Variants in ZFYVE28 observed in about 807,000 individuals in gnomAD.
ZFYVE28 encodes the protein lateral signaling target protein 2 homolog.
Under a neutral mutation model 82.1 loss-of-function variants are expected in ZFYVE28, and 40 were observed. The ratio of observed to expected loss-of-function variants is 0.49; its 90% CI spans 0.38 to 0.63. The LOEUF is 0.63. Ranked by LOEUF, ZFYVE28 falls within the 30% of genes least tolerant of loss-of-function variation. The pLI is 0.00. For missense variants in ZFYVE28, 1,321 were observed against 1,242.1 expected, an observed-to-expected ratio of 1.06 and a Z score of -0.96; for synonymous variants, 612 against 546.1, an observed-to-expected ratio of 1.12 and a Z score of -1.68.
At chr4:2,376,655 G>A (rs1008210048) in intron 1 of ZFYVE28, among the ~76,000 whole-genome samples, 1 of 152,242 alleles carries the variant, frequency 6.6e-6, no homozygotes, top group Non-Finnish European at 1.5e-5. Flanking sequence ...GTCATGAGAC[G>A]AGCATGGGGG....
At chr4:2,273,368 A>T in intron 9 of ZFYVE28, 79 bp from the exon 10 acceptor site, 1 of 1,250,452 alleles carries the variant, frequency 8.0e-7, no homozygotes, top group Non-Finnish European at 1.1e-6. Context: ...CGGGCTGGGC[A>T]GACCCAGCCA....
intron 2 of ZFYVE28, among the ~76,000 whole-genome samples, chr4:2,346,764 A>G (rs1723661384): frequency 6.6e-6 from 1 of 152,166 alleles, no homozygotes; most frequent in African/African-American, 2.4e-5. Flanking sequence ...TAATGAGCCA[A>G]CAAAGGAGAC....
At chr4:2,299,527 G>A (rs1000512083) in intron 8 of ZFYVE28, among the ~76,000 whole-genome samples, 5 of 144,398 alleles carry the variant, frequency 3.5e-5, no homozygotes, top group African/African-American at 1.3e-4. Context: ...GCTAACACAG[G>A]AGGACAGCTT....
intron 1 of ZFYVE28, among the ~76,000 whole-genome samples, chr4:2,393,717 C>CGCT (rs1386390325): frequency 6.6e-6 from 1 of 152,238 alleles, no homozygotes; most frequent in Non-Finnish European, 1.5e-5. Flanking sequence ...GGCCCCTTGC[C>CGCT]GCTGCCCCTC....
At chr4:2,345,642 G>A (rs1723424568) in intron 2 of ZFYVE28, among the ~76,000 whole-genome samples, 1 of 151,404 alleles carries the variant, frequency 6.6e-6, no homozygotes, top group African/African-American at 2.4e-5. Flanking sequence ...GAGGAATAAT[G>A]GCCAAAATTT....
At chr4:2,350,413 G>A (rs1021254546) in intron 2 of ZFYVE28, among the ~76,000 whole-genome samples, 13 of 151,814 alleles carry the variant, frequency 8.6e-5, no homozygotes, top group Admixed American at 2.6e-4. Flanking sequence ...GGACTGAGCC[G>A]AGATCGCGCC....
In ZFYVE28 at chr4:2,305,909, T is replaced by G. The variant is rs186614877; in HGVS notation, c.804-373A>C. Among the ~76,000 whole-genome samples, 12 of 152,366 alleles carry G rather than the reference T, an allele frequency of 7.9e-5. No homozygotes were observed. The East Asian group carries it at 2.3e-3, about 29-fold the overall frequency. Reference sequence around the variant, plus strand: ...GGTTTACACATAAACCTTCATCCTTTCATTCCACAAATACCATTGGGCACT... The same window carrying G: ...GGTTTACACATAAACCTTCATCCTTGCATTCCACAAATACCATTGGGCACT... On this transcript the variant is annotated intron_variant, in intron 7 of 12. Transcript: ENST00000290974.
intron 1 of ZFYVE28, among the ~76,000 whole-genome samples, chr4:2,357,595 G>A (rs866181372): frequency 1.1e-4 from 16 of 152,322 alleles, no homozygotes; most frequent in South Asian, 4.1e-4. Context: ...GGGAGAAGCA[G>A]GGGCCTGGTG....
intron 8 of ZFYVE28, among the ~76,000 whole-genome samples, chr4:2,274,630 G>A (rs920696955): frequency 3.3e-5 from 5 of 152,156 alleles, no homozygotes; most frequent in Non-Finnish European, 5.9e-5. Context: ...CCCAGCCCCT[G>A]AAGCCTGTGA....
intron 6 of ZFYVE28, chr4:2,330,372 G>C (rs1341064712): frequency 1.0e-6 from 1 of 1,001,048 alleles, no homozygotes; most frequent in Non-Finnish European, 1.2e-6. Context: ...ATCGCAGAGG[G>C]AGGTACAGCA....
intron 8 of ZFYVE28, among the ~76,000 whole-genome samples, chr4:2,276,261 G>A (rs1460335803): frequency 6.6e-6 from 1 of 152,224 alleles, no homozygotes; most frequent in African/African-American, 2.4e-5. Context: ...AGGCTTAGGG[G>A]GCCTGGGCCC....
intron 1 of ZFYVE28, among the ~76,000 whole-genome samples, chr4:2,370,370 A>G (rs1230176883): frequency 6.6e-6 from 1 of 152,090 alleles, no homozygotes. Context: ...CCCCCTGGAC[A>G]CACCTGGAGT....
rs1180795008 is a variant in ZFYVE28, at chr4:2,271,362, T to C, written c.2481A>G (p.Lys827=). ...TCCGGCGGATGACGGTGAAGGGTGC[T>C]TTGCACGCCGTGCAGAAGCCACAGG... The part of the protein sequence containing the change: ...DEACGFCTAC[K]APFTVIRRKH... Residue 827 remains lysine, a synonymous_variant, in exon 12 of 13, where the codon AAA becomes AAG. Transcript: ENST00000290974. 1.2e-6 allele frequency: 2 copies of C among 1,612,624 alleles called. No individual in the cohort carries two copies. The highest frequency in any genetic ancestry group is 2.7e-5 in the African/African-American group (2 of 74,902).
intron 1 of ZFYVE28, among the ~76,000 whole-genome samples, chr4:2,360,859 G>T (rs1215681902): frequency 2.0e-5 from 3 of 152,224 alleles, no homozygotes; most frequent in African/African-American, 7.2e-5. Flanking sequence ...AGATAAATGG[G>T]GAGGGGCGGT....
At chr4:2,393,728 C>T (rs1223278790) in intron 1 of ZFYVE28, among the ~76,000 whole-genome samples, 5 of 152,242 alleles carry the variant, frequency 3.3e-5, no homozygotes, top group African/African-American at 1.2e-4. Context: ...GCTGCCCCTC[C>T]TCCCGTAACT....
chr4:2,404,136 C>T (rs571123935), intron 1 of ZFYVE28, among the ~76,000 whole-genome samples: 33 of 151,678 alleles, frequency 2.2e-4, no homozygotes, highest in African/African-American at 4.8e-4. Context: ...CTGGCTAACA[C>T]GGTGAAACCC....
At chr4:2,364,640 A>G in intron 1 of ZFYVE28, 2 of 985,512 alleles carry the variant, frequency 2.0e-6, no homozygotes, top group Non-Finnish European at 2.4e-6. Flanking sequence ...AGCATCTGCA[A>G]AGTGGGCTTA....
chr4:2,315,909 T>C (rs1718138868), intron 7 of ZFYVE28, among the ~76,000 whole-genome samples: 1 of 152,184 alleles, frequency 6.6e-6, no homozygotes, highest in African/African-American at 2.4e-5. Context: ...AATTATGTTT[T>C]TTAGGCCTTT....
chr4:2,405,508 C>T lies in ZFYVE28; in HGVS notation c.39+12777G>A, dbSNP rs563568816. 4.1e-4 allele frequency among the ~76,000 whole-genome samples: 62 copies of T among 152,342 alleles called. 1 individual carries two copies. In the East Asian group the frequency reaches 8.3e-3, roughly 20 times the overall value. Reference sequence around the variant, plus strand: ...TTTCCCATCATTCCCTGCAGTGCCCCGCTCCCACTGCAGGCAGCCACATGG... The same window carrying T: ...TTTCCCATCATTCCCTGCAGTGCCCTGCTCCCACTGCAGGCAGCCACATGG... On this transcript the variant is annotated intron_variant, in intron 1 of 12. Transcript: ENST00000290974.
Sources: allele counts gnomAD v4.1 joint callset (sites outside exome capture counted in the v4.1 genomes callset), GRCh38; gene constraint gnomAD v4.1.1; transcripts MANE v1.5; gene names NCBI Gene and HGNC (gene_info 2026-07-23, HGNC 2026-07-21).